The following GLP1R variants were observed in gnomAD, a reference collection of about 807,000 sequenced individuals.
GLP1R encodes the protein glucagon-like peptide 1 receptor.
Under a neutral mutation model 68.4 loss-of-function variants are expected in GLP1R, and 32 were observed. The observed-to-expected ratio is 0.47, with a 90% CI of 0.35 to 0.63. The LOEUF (loss-of-function observed/expected upper bound fraction) is 0.63. GLP1R is among the 20% of genes least tolerant of loss of function. GLP1R has a pLI of 0.00. For synonymous variants in GLP1R, 263 were observed against 244.4 expected (o/e 1.08, Z -0.71); for missense variants, 502 against 594.9 (o/e 0.84, Z 1.62).
rs766907023 is a variant in GLP1R, at chr6:39,048,934, C to G, written c.78+16C>G. 69 of 1,140,818 alleles carry G rather than the reference C, an allele frequency of 6.0e-5. No individual in the cohort carries two copies. The East Asian group carries it at 2.1e-3, about 34-fold the overall frequency. 70.7% of individuals were successfully genotyped at this position (1,140,818 alleles called of 1,614,324 possible). On this transcript the variant is annotated intron_variant, in intron 1 of 12. Coordinates refer to ENST00000373256, the MANE Select transcript of GLP1R (RefSeq NM_002062.5). Reference sequence around the variant, plus strand: ...CCGCCCCCAGGTGAGATCCAGGGACCCCGACGACACCGGGGGAGGCGGGTG... The same window carrying G: ...CCGCCCCCAGGTGAGATCCAGGGACGCCGACGACACCGGGGGAGGCGGGTG...
intron 5 of GLP1R, among the ~76,000 whole-genome samples, chr6:39,067,979 G>A (rs1341820044): frequency 1.3e-5 from 2 of 152,222 alleles, no homozygotes; most frequent in East Asian, 3.8e-4. Context: ...GGTGGCTCAT[G>A]CCTATAATCC....
intron 1 of GLP1R, among the ~76,000 whole-genome samples, chr6:39,055,747 G>T (rs1771447176): frequency 6.6e-6 from 1 of 152,096 alleles, no homozygotes; most frequent in African/African-American, 2.4e-5. Context: ...TGTGTTGAGT[G>T]CATCTGTAAG....
In GLP1R at chr6:39,049,995, A is replaced by G. The variant is rs1307717417; in HGVS notation, c.78+1077A>G. Among the ~76,000 whole-genome samples, 5 of 152,168 alleles carry G rather than the reference A, an allele frequency of 3.3e-5. No individual in the cohort carries two copies. Among genetic ancestry groups the G allele is most frequent in the Non-Finnish European group, 7.4e-5 (5 of 68,026 alleles). On this transcript the variant is annotated intron_variant, in intron 1 of 12. Coordinates refer to ENST00000373256, the MANE Select transcript of GLP1R (RefSeq NM_002062.5). The surrounding 1 kb of genome is among the most constrained non-coding windows in gnomAD (Gnocchi z 4.5). ...AACGAACCTTGAAGTTTGTCCCAGA[A>G]CCATTGCCTTGGTGAGGGCAGACTC...
chr6:39,076,768 C>A (rs564197259), intron 7 of GLP1R, among the ~76,000 whole-genome samples: 3 of 152,154 alleles, frequency 2.0e-5, no homozygotes, highest in Non-Finnish European at 4.4e-5. Flanking sequence ...GAGGGGCCAA[C>A]GGAGACGAGC....
At chr6:39,081,499 G>C (rs1769013557) in intron 12 of GLP1R, among the ~76,000 whole-genome samples, 2 of 152,186 alleles carry the variant, frequency 1.3e-5, no homozygotes, top group South Asian at 4.1e-4. Context: ...TCCCATCCCT[G>C]AGATGGTCAG....
At chr6:39,053,011 G>A (rs1182927764) in intron 1 of GLP1R, among the ~76,000 whole-genome samples, 1 of 152,086 alleles carries the variant, frequency 6.6e-6, no homozygotes, top group Non-Finnish European at 1.5e-5. Context: ...CTTCCTTCTT[G>A]TAACCTCCAA....
chr6:39,065,704 AC>A lies in GLP1R; in HGVS notation c.284-3del. On this transcript the variant is annotated splice_region_variant and splice_polypyrimidine_tract_variant and intron_variant, in intron 3 of 12. Transcript: ENST00000373256. ...CTGAGGCTCAGGGCCAGGTCTCCCC[AC>A]CCCAGTGCCGCAGGGCCACGTGTAC... The A allele has an allele frequency of 6.5e-7, 1 of 1,549,196 alleles. No individual in the cohort carries two copies. The highest frequency in any genetic ancestry group is 8.8e-7 in the Non-Finnish European group (1 of 1,142,376).
chr6:39,063,037 C>T (rs1768389343), intron 3 of GLP1R, among the ~76,000 whole-genome samples: 1 of 152,236 alleles, frequency 6.6e-6, no homozygotes, highest in Admixed American at 6.5e-5. Context: ...GTGCATCTTA[C>T]TAGCATCACA....
chr6:39,063,832 A>G (rs1768418185), intron 3 of GLP1R, among the ~76,000 whole-genome samples: 1 of 151,846 alleles, frequency 6.6e-6, no homozygotes, highest in Non-Finnish European at 1.5e-5. Flanking sequence ...CTCCCAGACT[A>G]GATGGTTGCC....
rs201925776 is a variant in GLP1R, at chr6:39,086,539, T to C, written c.*466T>C. On this transcript the variant is annotated 3_prime_UTR_variant, in exon 13 of 13. Transcript: ENST00000373256. This position sits in a 1 kb window ranked among gnomAD's most constrained non-coding sequence, Gnocchi z 4.5. The stretch of plus-strand genomic sequence containing the variant: ...CAGAGCGGGAGTGACGGGAGCCTCC[T>C]CTGCTTGCATCACTTGGGGTCACCA... The C allele has an allele frequency of 6.5e-6, 1 of 154,028 alleles. No homozygotes were observed. The highest frequency in any genetic ancestry group is 1.4e-5 in the Non-Finnish European group (1 of 69,030). 9.5% of individuals were successfully genotyped at this position (154,028 alleles called of 1,614,324 possible).
At chr6:39,071,528 C>A (rs1156623066) in intron 5 of GLP1R, among the ~76,000 whole-genome samples, 1 of 149,584 alleles carries the variant, frequency 6.7e-6, no homozygotes, top group African/African-American at 2.5e-5. Context: ...ATTTTTTTTT[C>A]TGTATGTGGA....
At position 39,088,908 on chromosome 6, in the gene GLP1R, G is replaced by C. The variant is rs187855183; in HGVS notation, c.*2835G>C. On this transcript the variant is annotated 3_prime_UTR_variant, in exon 13 of 13. Coordinates refer to ENST00000373256, the MANE Select transcript of GLP1R (RefSeq NM_002062.5). ...TTGCCCAAGGTCACAACACTAGAGG[G>C]TGGTTGAGCTGGGCCAGGACCCAGA... is the stretch of plus-strand genomic sequence containing the variant. Among the ~76,000 whole-genome samples, 126 of 152,298 alleles carry C rather than the reference G, an allele frequency of 8.3e-4. 1 individual carries two copies. The highest frequency in any genetic ancestry group is 2.9e-3 in the African/African-American group (120 of 41,554).
In GLP1R at chr6:39,052,266, A is replaced by AG. The variant is rs1431729365; in HGVS notation, c.78+3348_78+3349insG. On this transcript the variant is annotated intron_variant, in intron 1 of 12. Transcript: ENST00000373256. ...GATTGTAAGCTCTGAGCTTTTGAAA[A>AG]AAAAGAAAGAAAGAAAGAAAAACAA... Among the ~76,000 whole-genome samples, 356 of 152,242 alleles carry AG rather than the reference A, an allele frequency of 2.3e-3. 3 individuals carry two copies. The highest frequency in any genetic ancestry group is 7.7e-3 in the African/African-American group (320 of 41,496).
In GLP1R at chr6:39,057,504, G is replaced by A. The variant is rs767632966; in HGVS notation, c.208G>A (p.Ala70Thr). The change falls in exon 3 of 13, where the codon GCC becomes ACC. Residue 70 changes from alanine (A) to threonine (T), a missense_variant. Coordinates refer to ENST00000373256, the MANE Select transcript of GLP1R (RefSeq NM_002062.5). ...LFCNRTFDEY[A>T]CWPDGEPGSF... The stretch of plus-strand genomic sequence containing the variant: ...CTGCAACCGGACCTTCGATGAATAC[G>A]CCTGCTGGCCAGATGGGGAGCCAGG... 9.9e-6 allele frequency: 16 copies of A among 1,613,298 alleles called. No individual in the cohort carries two copies. The highest frequency in any genetic ancestry group is 2.2e-5 in the South Asian group (2 of 91,008).
rs1387042430 is a variant in GLP1R, at chr6:39,082,795, G to A, written c.1224+2056G>A. On this transcript the variant is annotated intron_variant, in intron 12 of 12. Coordinates refer to ENST00000373256, the MANE Select transcript of GLP1R (RefSeq NM_002062.5). ...CATGTATCCTGTGTGGGGATGAGGAGCAGAGGCCTGTAGGGAGAGACTGAG... is the reference window on the plus strand; with the variant it reads ...CATGTATCCTGTGTGGGGATGAGGAACAGAGGCCTGTAGGGAGAGACTGAG... Among the ~76,000 whole-genome samples, 4 of 152,104 alleles carry A rather than the reference G, an allele frequency of 2.6e-5. No homozygotes were observed. The East Asian group carries it at 7.7e-4, about 29-fold the overall frequency.
rs202102808 is a variant in GLP1R at position 39,079,672 on chromosome 6, G to A, written c.1152G>A (p.Leu384=). ...HARGTLRFIK[L]FTELSFTSFQ... ...GGGGGACCCTGCGCTTCATCAAGCT[G>A]TTTACAGAGCTCTCCTTCACCTCCT... The change falls in exon 11 of 13, where the codon CTG becomes CTA. Residue 384 remains leucine, a synonymous_variant. Coordinates refer to ENST00000373256, the MANE Select transcript of GLP1R (RefSeq NM_002062.5). The surrounding 1 kb of genome is among the most constrained non-coding windows in gnomAD (Gnocchi z 4.5). The A allele has an allele frequency of 1.9e-6, 3 of 1,612,806 alleles. No individual in the cohort carries two copies. The highest frequency in any genetic ancestry group is 2.5e-6 in the Non-Finnish European group (3 of 1,179,386).
rs1769250412 is a variant in GLP1R at position 39,090,313 on chromosome 6, G to A, written c.*4240G>A. The stretch of plus-strand genomic sequence containing the variant: ...TAATTGTTTTCCAATAACTCCCCAA[G>A]TCTCTTGGAATATATATGTATCTGA... On this transcript the variant is annotated 3_prime_UTR_variant, in exon 13 of 13. Coordinates refer to ENST00000373256, the MANE Select transcript of GLP1R (RefSeq NM_002062.5). Among the ~76,000 whole-genome samples, 1 of 152,202 alleles carries A rather than the reference G, an allele frequency of 6.6e-6. No homozygotes were observed. The highest frequency in any genetic ancestry group is 1.5e-5 in the Non-Finnish European group (1 of 68,046).
chr6:39,054,734 A>T (rs1019576172), intron 1 of GLP1R, among the ~76,000 whole-genome samples: 3 of 152,148 alleles, frequency 2.0e-5, no homozygotes, highest in African/African-American at 7.2e-5. Context: ...TTCTAGAAAC[A>T]GAAACCAAGG....
intron 1 of GLP1R, among the ~76,000 whole-genome samples, chr6:39,052,876 G>T (rs1226309974): frequency 6.6e-6 from 1 of 152,184 alleles, no homozygotes; most frequent in African/African-American, 2.4e-5. Context: ...ACAGAGCTGG[G>T]ATTTAGACCA....
Sources: allele counts gnomAD v4.1 joint callset (sites outside exome capture counted in the v4.1 genomes callset), GRCh38; gene constraint gnomAD v4.1.1; non-coding constraint Gnocchi (gnomAD v3.1); transcripts MANE v1.5; gene names NCBI Gene and HGNC (gene_info 2026-07-23, HGNC 2026-07-21).